The following CTIF variants were observed in gnomAD, a reference collection of about 807,000 sequenced individuals.
The protein encoded by CTIF is cap binding complex dependent translation initiation factor.
CTIF carries 21 observed loss-of-function variants against 66.0 expected under a neutral mutation model. The observed-to-expected ratio is 0.32, with a 90% confidence interval of 0.23 to 0.46. The LOEUF is 0.46. Ranked by LOEUF, CTIF falls within the 20% of genes least tolerant of loss-of-function variation. The pLI is 1.00. For missense variants in CTIF, 739 were observed against 812.7 expected, an observed-to-expected ratio of 0.91 and a Z score of 1.10; for synonymous variants, 345 against 326.4, an observed-to-expected ratio of 1.06 and a Z score of -0.62.
intron 1 of CTIF, among the ~76,000 whole-genome samples, chr18:48,603,825 C>A (rs1426709969): frequency 6.6e-6 from 1 of 151,140 alleles, no homozygotes; most frequent in Non-Finnish European, 1.5e-5. Context: ...TCTCCAGATT[C>A]AGTGGGAGCC....
intron 10 of CTIF, among the ~76,000 whole-genome samples, chr18:48,847,168 C>T (rs770099582): frequency 1.3e-5 from 2 of 151,916 alleles, no homozygotes; most frequent in African/African-American, 2.4e-5. Context: ...ATTAGCTGGT[C>T]GTGGTGGTGC....
At chr18:48,734,955 G>A (rs971142336) in intron 7 of CTIF, among the ~76,000 whole-genome samples, 2 of 152,124 alleles carry the variant, frequency 1.3e-5, no homozygotes, top group East Asian at 1.9e-4. Context: ...TACATATATG[G>A]TATATATGCA....
intron 9 of CTIF, among the ~76,000 whole-genome samples, chr18:48,771,004 T>C (rs895574811): frequency 2.0e-5 from 3 of 151,826 alleles, no homozygotes; most frequent in Admixed American, 6.6e-5. Context: ...TTCCCCCCCC[T>C]ACGCTGATTA....
chr18:48,792,332 G>A (rs2067811937), intron 9 of CTIF, among the ~76,000 whole-genome samples: 1 of 152,194 alleles, frequency 6.6e-6, no homozygotes, highest in South Asian at 2.1e-4. Flanking sequence ...GAAGGCATCA[G>A]GTCAGCGGGA....
intron 1 of CTIF, among the ~76,000 whole-genome samples, chr18:48,600,902 A>G (rs866795710): frequency 2.6e-5 from 4 of 152,206 alleles, no homozygotes; most frequent in Middle Eastern, 3.4e-3. Context: ...TACTGGTGAC[A>G]TTTTACATTG....
At chr18:48,778,207 C>G (rs369549944) in intron 9 of CTIF, among the ~76,000 whole-genome samples, 2 of 151,666 alleles carry the variant, frequency 1.3e-5, no homozygotes, top group African/African-American at 2.4e-5. Flanking sequence ...GGAGGGCATT[C>G]TCAGCCATCT....
chr18:48,705,603 C>T (rs1236776891), intron 6 of CTIF, among the ~76,000 whole-genome samples: 1 of 152,178 alleles, frequency 6.6e-6, no homozygotes, highest in Non-Finnish European at 1.5e-5. Flanking sequence ...GATGGGATCA[C>T]ACCAGGACTT....
chr18:48,713,529 C>T (rs867884986), intron 7 of CTIF, among the ~76,000 whole-genome samples: 21 of 152,032 alleles, frequency 1.4e-4, no homozygotes, highest in African/African-American at 4.1e-4. Context: ...CGCTGAGCTG[C>T]GCTCACATTC....
chr18:48,707,474 A>G (rs777874520), intron 6 of CTIF, among the ~76,000 whole-genome samples: 14 of 152,008 alleles, frequency 9.2e-5, no homozygotes, highest in Non-Finnish European at 2.1e-4. Flanking sequence ...TGTTTCCTTG[A>G]GATTAACTGG....
chr18:48,678,257 G>GC (rs2091670262), intron 6 of CTIF, among the ~76,000 whole-genome samples: 1 of 152,176 alleles, frequency 6.6e-6, no homozygotes. Flanking sequence ...AAAGAGAAAA[G>GC]CCTCTACAGA....
chr18:48,695,785 C>T (rs2091997707), intron 6 of CTIF, among the ~76,000 whole-genome samples: 1 of 152,214 alleles, frequency 6.6e-6, no homozygotes, highest in Admixed American at 6.5e-5. Context: ...GGCGAGGAGA[C>T]TTTCTGAACA....
chr18:48,594,771 C>G (rs147994727), intron 1 of CTIF, among the ~76,000 whole-genome samples: 1 of 152,326 alleles, frequency 6.6e-6, no homozygotes, highest in African/African-American at 2.4e-5. Flanking sequence ...TTTGATAGAT[C>G]GAGAAGACTA....
chr18:48,684,600 C>T (rs1454188592), intron 6 of CTIF, among the ~76,000 whole-genome samples: 1 of 152,150 alleles, frequency 6.6e-6, no homozygotes, highest in Non-Finnish European at 1.5e-5. Context: ...CCGAATTTTA[C>T]TTAAATGTTT....
chr18:48,633,491 C>T (rs573826945), intron 2 of CTIF, among the ~76,000 whole-genome samples: 3 of 152,166 alleles, frequency 2.0e-5, no homozygotes, highest in East Asian at 3.9e-4. Flanking sequence ...CACCTGAGGT[C>T]AGGAGTTTGA....
intron 1 of CTIF, among the ~76,000 whole-genome samples, chr18:48,579,866 C>A (rs986472927): frequency 6.6e-6 from 1 of 152,188 alleles, no homozygotes; most frequent in Non-Finnish European, 1.5e-5. Flanking sequence ...ATTTCTGACT[C>A]CCAAATCAGG....
intron 9 of CTIF, among the ~76,000 whole-genome samples, chr18:48,803,518 T>C (rs971298830): frequency 6.6e-6 from 1 of 152,166 alleles, no homozygotes; most frequent in African/African-American, 2.4e-5. Flanking sequence ...CAGGAGAGTG[T>C]CAGGCACCTG....
At chr18:48,656,864 G>T (rs1238134765) in intron 3 of CTIF, among the ~76,000 whole-genome samples, 2 of 152,222 alleles carry the variant, frequency 1.3e-5, no homozygotes, top group Non-Finnish European at 2.9e-5. Flanking sequence ...GAGGGAAGCT[G>T]TGGTTACCAG....
At chr18:48,619,465 T>G in intron 1 of CTIF, 73 bp from the exon 2 acceptor site, 2 of 930,216 alleles carry the variant, frequency 2.2e-6, no homozygotes, top group Middle Eastern at 3.2e-4. Context: ...GAGCAGAGGG[T>G]GTTTCTCAGG....
intron 6 of CTIF, among the ~76,000 whole-genome samples, chr18:48,680,837 A>G (rs148263795): frequency 3.3e-5 from 5 of 152,292 alleles, no homozygotes; most frequent in South Asian, 2.1e-4. Context: ...TTATTCCTTT[A>G]TTAGCCAATG....
Sources: gnomAD v4.1 joint callset for allele counts (sites outside exome capture counted in the v4.1 genomes callset) on GRCh38, gnomAD v4.1.1 for gene constraint, MANE v1.5 for transcripts, NCBI Gene and HGNC (gene_info 2026-07-23, HGNC 2026-07-21) for gene names.